TOMM22: variants seen among roughly 807,000 people sequenced by gnomAD.
TOMM22 encodes the protein translocase of outer mitochondrial membrane 22, also known as mitochondrial import receptor subunit TOM22 homolog.
In TOMM22, 3 loss-of-function variants were observed where a neutral mutation model predicts 17.1. That is an observed-to-expected ratio of 0.18 (90% CI 0.08 to 0.45). The LOEUF (loss-of-function observed/expected upper bound fraction) is 0.45, where lower values mean the gene tolerates loss of function less well. Ranked by LOEUF, TOMM22 falls within the 20% of genes least tolerant of loss-of-function variation. The pLI, the probability that TOMM22 is intolerant of heterozygous loss-of-function variation, is 0.99. For synonymous variants in TOMM22, 91 were observed against 74.0 expected, an observed-to-expected ratio of 1.23 and a Z score of -1.18; for missense variants, 159 against 179.5, an observed-to-expected ratio of 0.89 and a Z score of 0.65.
At position 38,684,135 on chromosome 22, in the gene TOMM22, A is replaced by C; in HGVS notation, c.*294A>C. The stretch of plus-strand genomic sequence containing the variant: ...AAATTGCTCCTAACTGGAAGATCTC[A>C]CTTTCCCCTTGTGGGGTAGGAACCG... On this transcript the variant is annotated 3_prime_UTR_variant, in exon 4 of 4. Coordinates refer to ENST00000216034, the MANE Select transcript of TOMM22 (RefSeq NM_020243.5). The C allele has an allele frequency of 2.7e-6, 1 of 364,328 alleles. No individual in the cohort carries two copies. The highest frequency in any genetic ancestry group is 5.0e-6 in the Non-Finnish European group (1 of 198,550). The allele number at this position is 364,328 out of a possible 1,614,324, so 22.6% of individuals were successfully genotyped here. A position where few individuals can be genotyped will look rare whatever the true frequency, so the allele number is the denominator to read the frequency against.
chr22:38,682,591 ATTC>A, intron 2 of TOMM22, 150 bp downstream of exon 2: 2 of 728,348 alleles, frequency 2.7e-6, no homozygotes, highest in South Asian at 3.4e-5. Context: ...TAAAATGGGG[ATTC>A]TTACCTGGCA....
chr22:38,682,727 T>C (rs369310281), intron 2 of TOMM22, 152 bp from the exon 3 acceptor site: 1 of 731,964 alleles, frequency 1.4e-6, no homozygotes. Flanking sequence ...CTGCTCCTCC[T>C]GTCTCTGGTA....
intron 3 of TOMM22, 133 bp downstream of exon 3, chr22:38,683,129 GGT>G: frequency 1.9e-6 from 1 of 530,746 alleles, no homozygotes; most frequent in Non-Finnish European, 3.3e-6. Context: ...GTGGGTTGGG[GGT>G]GGCCGGGGGT....
chr22:38,682,280 G>T (rs1190397787), intron 1 of TOMM22, 43 bp from the exon 2 acceptor site: 16 of 1,597,764 alleles, frequency 1.0e-5, no homozygotes, highest in Non-Finnish European at 1.3e-5. Flanking sequence ...GCCAGGAATG[G>T]ATGTCGCTTT....
rs2092484014 is a variant in TOMM22, at chr22:38,683,028, G to C, written c.354+32G>C. On this transcript the variant is annotated intron_variant, in intron 3 of 3. Coordinates refer to ENST00000216034, the MANE Select transcript of TOMM22 (RefSeq NM_020243.5). ...CCAGACCTTGGGCTTTTTGCCAGTGGTGGAGACGCAAGTTATTTCACTAAC... is the reference window on the plus strand; with the variant it reads ...CCAGACCTTGGGCTTTTTGCCAGTGCTGGAGACGCAAGTTATTTCACTAAC... The C allele has an allele frequency of 3.2e-6, 5 of 1,575,272 alleles. No individual in the cohort carries two copies. In the East Asian group the frequency reaches 9.2e-5, roughly 29 times the overall value.
At chr22:38,682,484 G>A in intron 2 of TOMM22, 43 bp downstream of exon 2, 1 of 1,559,780 alleles carries the variant, frequency 6.4e-7, no homozygotes, top group Non-Finnish European at 8.8e-7. Context: ...GCATGGGATG[G>A]TCGTGGTGCT....
chr22:38,683,870 T>C lies in TOMM22; in HGVS notation c.*29T>C. 6.3e-7 allele frequency: 1 copy of C among 1,596,496 alleles called. No individual in the cohort carries two copies. The highest frequency in any genetic ancestry group is 8.6e-7 in the Non-Finnish European group (1 of 1,167,948). ...GTTATTGCTGTTTGAGCTGTCTCAGTGGGATAAGTTTGAAATTCAAGTGTT... is the reference window on the plus strand; with the variant it reads ...GTTATTGCTGTTTGAGCTGTCTCAGCGGGATAAGTTTGAAATTCAAGTGTT... On this transcript the variant is annotated 3_prime_UTR_variant, in exon 4 of 4. Transcript: ENST00000216034.
chr22:38,683,373 G>T (rs926389926), intron 3 of TOMM22, among the ~76,000 whole-genome samples: 2 of 152,126 alleles, frequency 1.3e-5, no homozygotes, highest in East Asian at 3.9e-4. Flanking sequence ...CGCATGCACT[G>T]TTCACAAGGG....
In TOMM22 at chr22:38,682,918, T is replaced by C. The variant is rs1176995706; in HGVS notation, c.276T>C (p.Phe92=). 5 of 1,613,720 alleles carry C rather than the reference T, an allele frequency of 3.1e-6. No homozygotes were observed. Among genetic ancestry groups the C allele is most frequent in the Admixed American group, 3.3e-5 (2 of 60,002 alleles). The part of the protein sequence containing the change: ...RAALWIGTTS[F]MILVLPVVFE... ...CCTTGTGGATTGGGACCACTTCCTTTATGATCCTGGTTCTTCCCGTTGTCT... is the reference window on the plus strand; with the variant it reads ...CCTTGTGGATTGGGACCACTTCCTTCATGATCCTGGTTCTTCCCGTTGTCT... The change falls in exon 3 of 4, where the codon TTT becomes TTC. Residue 92 remains phenylalanine (F), a synonymous_variant. Transcript: ENST00000216034.
chr22:38,684,054 C>T lies in TOMM22; in HGVS notation c.*213C>T. ...CTTACTTCTGTCTCCACTCTGATAC[C>T]AGAGTGCAGCCATGCAGATGGTTAT... On this transcript the variant is annotated 3_prime_UTR_variant, in exon 4 of 4. Coordinates refer to ENST00000216034, the MANE Select transcript of TOMM22 (RefSeq NM_020243.5). The T allele has an allele frequency of 1.9e-6, 1 of 537,906 alleles. No individual in the cohort carries two copies. Among genetic ancestry groups the T allele is most frequent in the South Asian group, 2.6e-5 (1 of 38,896 alleles). 33.3% of individuals were successfully genotyped at this position (537,906 alleles called of 1,614,324 possible).
chr22:38,682,198 G>C (rs1027816293), intron 1 of TOMM22, 103 bp downstream of exon 1: 2 of 1,490,088 alleles, frequency 1.3e-6, no homozygotes, highest in East Asian at 4.8e-5. Context: ...TGGGAGGCGG[G>C]GTTAGGGGCC....
chr22:38,682,517 A>G (rs994067148), intron 2 of TOMM22, 76 bp downstream of exon 2: 65 of 1,349,082 alleles, frequency 4.8e-5, no homozygotes, highest in Non-Finnish European at 6.8e-5. Context: ...GGGGTTTGGA[A>G]GCAGCAGACC....
Position 38,682,080 on chromosome 22 carries a change from G to A in TOMM22, c.102G>A (p.Glu34=). ...AGAAGCCTGAGGAGGAGCTGGAGGAGGACGACGATGAGGAGGTACTAGGGC... is the reference window on the plus strand; with the variant it reads ...AGAAGCCTGAGGAGGAGCTGGAGGAAGACGACGATGAGGAGGTACTAGGGC... The part of the protein sequence containing the change: ...DAEKPEEELE[E]DDDEELDETL... The change falls in exon 1 of 4, where the codon GAG becomes GAA. Residue 34 remains glutamate, a synonymous_variant. Transcript: ENST00000216034. 6.3e-7 allele frequency: 1 copy of A among 1,584,302 alleles called. No homozygotes were observed. The highest frequency in any genetic ancestry group is 8.6e-7 in the Non-Finnish European group (1 of 1,165,242).
chr22:38,684,101 C>G lies in TOMM22; in HGVS notation c.*260C>G, dbSNP rs2092488340. The G allele has an allele frequency of 2.3e-6, 1 of 425,666 alleles. No homozygotes were observed. The allele number at this position is 425,666 out of a possible 1,614,324, so 26.4% of individuals were successfully genotyped here. A position where few individuals can be genotyped will look rare whatever the true frequency, so the allele number is the denominator to read the frequency against. On this transcript the variant is annotated 3_prime_UTR_variant, in exon 4 of 4. Transcript: ENST00000216034. ...TTATTCCAGCTCTGGTCACCCGACT[C>G]CTTTCACCAAATTGCTCCTAACTGG...
In TOMM22 at chr22:38,682,387, C is replaced by G. The variant is rs753600949; in HGVS notation, c.182C>G (p.Ser61Cys). ...GAGATGTTTCCGGAGAGGGTCCGGTCCGCGGCCGGAGCCACTTTTGATCTT... is the reference window on the plus strand; with the variant it reads ...GAGATGTTTCCGGAGAGGGTCCGGTGCGCGGCCGGAGCCACTTTTGATCTT... The part of the protein sequence containing the change: ...LTEMFPERVR[S>C]AAGATFDLSL... The change falls in exon 2 of 4, where the codon TCC becomes TGC. Residue 61 changes from serine (S) to cysteine (C), a missense_variant. Physicochemically the swap from Ser to Cys is moderately radical, Grantham distance 112 (BLOSUM62 -1). Transcript: ENST00000216034. 1 of 1,614,054 alleles carries G rather than the reference C, an allele frequency of 6.2e-7. No individual in the cohort carries two copies. Among genetic ancestry groups the G allele is most frequent in the African/African-American group, 1.3e-5 (1 of 74,922 alleles).
chr22:38,682,594 C>T (rs975741288), intron 2 of TOMM22, among the ~76,000 whole-genome samples, 153 bp downstream of exon 2: 1 of 151,940 alleles, frequency 6.6e-6, no homozygotes. Flanking sequence ...AATGGGGATT[C>T]TTACCTGGCA....
At chr22:38,683,142 C>CGGGGGGGGGGGGGGGGGGGGGG (rs57276769) in intron 3 of TOMM22, 146 bp downstream of exon 3, 1 of 40,796 alleles carries the variant, frequency 2.5e-5, no homozygotes, top group African/African-American at 1.1e-4. Flanking sequence ...GGCCGGGGGT[C>CGGGGGGGGGGGGGGGGGGGGGG]GGGGGGGGGG....
rs758537384 is a variant in TOMM22 at position 38,684,200 on chromosome 22, G to GT, written c.*377dup. 0.057 allele frequency: 7,518 copies of GT among 131,384 alleles called. 293 individuals are homozygous for GT. The highest frequency in any genetic ancestry group is 0.16 in the African/African-American group (4,724 of 29,860). The allele number at this position is 131,384 out of a possible 1,614,324, so 8.1% of individuals were successfully genotyped here. A position where few individuals can be genotyped will look rare whatever the true frequency, so the allele number is the denominator to read the frequency against. ...GATGTGCCCCTGACCATTAACGACT[G>GT]TTTTTTTTTTTTTTTTTTAAAGAAT... On this transcript the variant is annotated 3_prime_UTR_variant, in exon 4 of 4. Coordinates refer to ENST00000216034, the MANE Select transcript of TOMM22 (RefSeq NM_020243.5).
At position 38,683,832 on chromosome 22, in the gene TOMM22, A is replaced by C; in HGVS notation, c.420A>C (p.Gly140=). 1 of 1,613,914 alleles carries C rather than the reference A, an allele frequency of 6.2e-7. No homozygotes were observed. Among genetic ancestry groups the C allele is most frequent in the Non-Finnish European group, 8.5e-7 (1 of 1,179,866 alleles). Residue 140 remains glycine (G), a synonymous_variant, in exon 4 of 4, where the codon GGA becomes GGC. Transcript: ENST00000216034. ...GMPGALPSLP[G]KI is the part of the protein sequence containing the mutation. Reference sequence around the variant, plus strand: ...CAGGGGCTCTACCCTCACTTCCTGGAAAGATCTAGATTGTTATTGCTGTTT... The same window carrying C: ...CAGGGGCTCTACCCTCACTTCCTGGCAAGATCTAGATTGTTATTGCTGTTT...
Sources: allele counts gnomAD v4.1 joint callset (sites outside exome capture counted in the v4.1 genomes callset), GRCh38; gene constraint gnomAD v4.1.1; transcripts MANE v1.5; gene names NCBI Gene and HGNC (gene_info 2026-07-23, HGNC 2026-07-21).